IFT56: variants seen among roughly 807,000 people sequenced by gnomAD.
The protein encoded by IFT56 is intraflagellar transport 56, also known as intraflagellar transport protein 56.
the IFT56 span, among the ~76,000 whole-genome samples, chr7:139,174,976 A>T: frequency 2.0e-5 from 3 of 152,054 alleles, no homozygotes; most frequent in Non-Finnish European, 2.9e-5. Flanking sequence ...AGCCGAGGTC[A>T]CACCATCACA....
At chr7:139,175,246 A>G in the IFT56 span, among the ~76,000 whole-genome samples, 1 of 152,120 alleles carries the variant, frequency 6.6e-6, no homozygotes, top group Non-Finnish European at 1.5e-5. Flanking sequence ...CACACCTACT[A>G]TGTATGTGTG....
At chr7:139,164,409 T>C in the IFT56 span, among the ~76,000 whole-genome samples, 1 of 152,248 alleles carries the variant, frequency 6.6e-6, no homozygotes, top group Non-Finnish European at 1.5e-5. Flanking sequence ...TTGTTAATTA[T>C]TGGGTACTTT....
the IFT56 span, among the ~76,000 whole-genome samples, chr7:139,146,459 G>A: frequency 6.6e-6 from 1 of 152,100 alleles, no homozygotes; most frequent in South Asian, 2.1e-4. Context: ...TGTCTACCAA[G>A]AAGAACGAGA....
At chr7:139,135,203 C>T in the IFT56 span, among the ~76,000 whole-genome samples, 1 of 142,352 alleles carries the variant, frequency 7.0e-6, no homozygotes, top group East Asian at 2.2e-4. Flanking sequence ...CGCTTGAACC[C>T]GGGAGGCGGA....
At chr7:139,137,707 A>G in the IFT56 span, 1 of 592,508 alleles carries the variant, frequency 1.7e-6, no homozygotes. Context: ...CTGTAGGTAT[A>G]GGTTTAATTA....
the IFT56 span, among the ~76,000 whole-genome samples, chr7:139,138,490 G>A: frequency 6.6e-6 from 1 of 152,126 alleles, no homozygotes; most frequent in East Asian, 1.9e-4. Context: ...TATCCCCTGT[G>A]GATAAAGGAG....
At chr7:139,190,182 G>C in the IFT56 span, 1 of 152,200 alleles carries the variant, frequency 6.6e-6, no homozygotes, top group Non-Finnish European at 1.5e-5. Context: ...TAACAAAGCA[G>C]GTTAGGTTTT....
chr7:139,146,920 A>C, the IFT56 span: 351 of 1,321,030 alleles, frequency 2.7e-4, no homozygotes, highest in Non-Finnish European at 3.4e-4. Flanking sequence ...ACTGTAACCT[A>C]AGGGCTTTCC....
At chr7:139,167,539 A>G in the IFT56 span, among the ~76,000 whole-genome samples, 12 of 152,216 alleles carry the variant, frequency 7.9e-5, no homozygotes, top group African/African-American at 2.4e-4. Flanking sequence ...AAGGGATAGA[A>G]GTGAGGCCCC....
the IFT56 span, chr7:139,178,495 G>A: frequency 3.9e-3 from 6,234 of 1,603,494 alleles, 23 homozygotes; most frequent in Non-Finnish European, 4.9e-3. Context: ...AGTGTGACCT[G>A]TTCTTGGGAT....
At chr7:139,151,488 G>C in the IFT56 span, among the ~76,000 whole-genome samples, 1 of 152,054 alleles carries the variant, frequency 6.6e-6, no homozygotes, top group East Asian at 1.9e-4. Context: ...TTTGGGCTTG[G>C]AATCAGATAG....
the IFT56 span, chr7:139,168,678 C>T: frequency 1.8e-5 from 7 of 388,716 alleles, no homozygotes; most frequent in East Asian, 3.9e-5. Context: ...AAAATCATTG[C>T]GCAACTTCAT....
chr7:139,134,522 CCT>C, the IFT56 span: 1 of 953,578 alleles, frequency 1.0e-6, no homozygotes, highest in Admixed American at 3.1e-5. Context: ...GCCGCCTTCG[CCT>C]CTCAAAGTGC....
At chr7:139,147,583 G>T in the IFT56 span, among the ~76,000 whole-genome samples, 2 of 152,118 alleles carry the variant, frequency 1.3e-5, no homozygotes, top group East Asian at 3.9e-4. Flanking sequence ...ATGTATAACT[G>T]TGCTTTACAT....
chr7:139,187,635 ATTATAATGATGTT>A, the IFT56 span: 1 of 1,425,446 alleles, frequency 7.0e-7, no homozygotes, highest in Admixed American at 2.0e-5. Flanking sequence ...AAAACACATG[ATTATAATGATGTT>A]TTAGAATGAT....
chr7:139,187,707 A>G, the IFT56 span, among the ~76,000 whole-genome samples: 1 of 152,226 alleles, frequency 6.6e-6, no homozygotes, highest in East Asian at 1.9e-4. Flanking sequence ...TTTCCTCCAG[A>G]AATCTTTCAT....
chr7:139,178,139 A>G, the IFT56 span: 1 of 1,038,150 alleles, frequency 9.6e-7, no homozygotes, highest in Non-Finnish European at 1.5e-6. Flanking sequence ...TTAAATTATT[A>G]AATAACTCAA....
the IFT56 span, chr7:139,191,386 A>G: frequency 6.6e-6 from 1 of 152,238 alleles, no homozygotes; most frequent in Admixed American, 6.5e-5. Flanking sequence ...CACTTAAAAT[A>G]TTAGGAAACA....
the IFT56 span, among the ~76,000 whole-genome samples, chr7:139,136,997 A>G: frequency 1.3e-5 from 2 of 152,244 alleles, no homozygotes; most frequent in Non-Finnish European, 2.9e-5. Context: ...AGTTAGCTAC[A>G]GGAGTAAATT....
Sources: allele counts gnomAD v4.1 joint callset (sites outside exome capture counted in the v4.1 genomes callset), GRCh38; gene constraint gnomAD v4.1.1; transcripts MANE v1.5; gene names NCBI Gene and HGNC (gene_info 2026-07-23, HGNC 2026-07-21).